Variants in PPP6R2 observed in about 807,000 individuals in gnomAD.
PPP6R2 encodes the protein serine/threonine-protein phosphatase 6 regulatory subunit 2.
PPP6R2 carries 62 observed loss-of-function variants against 100.2 expected under a neutral mutation model. That is an observed-to-expected ratio of 0.62 (90% CI 0.50 to 0.76). PPP6R2 has a LOEUF of 0.76. PPP6R2 is among the 30% of genes least tolerant of loss of function. PPP6R2 has a pLI of 0.00. For missense variants in PPP6R2, 1,142 were observed against 1,276.3 expected, an observed-to-expected ratio of 0.89 and a Z score of 1.60; for synonymous variants, 525 against 514.7, an observed-to-expected ratio of 1.02 and a Z score of -0.27.
At position 50,422,983 on chromosome 22, in the gene PPP6R2, T is replaced by G. The variant is rs185712441; in HGVS notation, c.973-479T>G. Among the ~76,000 whole-genome samples the G allele has an allele frequency of 4.4e-3, 664 of 152,192 alleles. 8 individuals carry two copies. The highest frequency in any genetic ancestry group is 0.015 in the African/African-American group (619 of 41,514). On this transcript the variant is annotated intron_variant, in intron 9 of 23. Transcript: ENST00000612753. ...GAAGGTAGGTGCAGTAGGCTGAGTG[T>G]GGGGGATCAGAAAAGACCGCGGTCC...
chr22:50,337,871 G>C, the PPP6R2 span, among the ~76,000 whole-genome samples: 2 of 141,564 alleles, frequency 1.4e-5, no homozygotes, highest in African/African-American at 5.3e-5. Context: ...TCTGTGTGTG[G>C]TGTATGTGTG....
intron 1 of PPP6R2, among the ~76,000 whole-genome samples, chr22:50,364,420 T>C (rs1332233491): frequency 6.6e-6 from 1 of 152,188 alleles, no homozygotes; most frequent in Non-Finnish European, 1.5e-5. Context: ...GGTTCCTCAG[T>C]GTCGTAGAAA....
At chr22:50,404,596 CTTG>C (rs1472863759) in intron 3 of PPP6R2, among the ~76,000 whole-genome samples, 2 of 136,748 alleles carry the variant, frequency 1.5e-5, no homozygotes, top group Non-Finnish European at 3.1e-5. Flanking sequence ...TTCTTTCTTT[CTTG>C]TTTTTTTTTT....
At chr22:50,429,741 T>C (rs1183794845) in intron 10 of PPP6R2, among the ~76,000 whole-genome samples, 1 of 152,124 alleles carries the variant, frequency 6.6e-6, no homozygotes, top group East Asian at 1.9e-4. Context: ...ACAAAATAAA[T>C]GTTTGGTAGA....
At chr22:50,374,493 G>GA (rs1369296255) in intron 2 of PPP6R2, among the ~76,000 whole-genome samples, 5 of 152,138 alleles carry the variant, frequency 3.3e-5, no homozygotes, top group Non-Finnish European at 7.3e-5. Flanking sequence ...ATTCTAGAAT[G>GA]AAAAAATCAG....
chr22:50,338,186 G>A, the PPP6R2 span, among the ~76,000 whole-genome samples: 2,487 of 140,920 alleles, frequency 0.018, 29 homozygotes, highest in East Asian at 0.027. Flanking sequence ...TGTGTGTGCT[G>A]TGTGGGTATA....
In PPP6R2 at chr22:50,423,723, C is replaced by A; in HGVS notation, c.1125+109C>A. ...GCCCCAGCATTTGGACAAAGCTCTG[C>A]CACGGGGAGGTTCCAGTCCCAAGTC... On this transcript the variant is annotated intron_variant, in intron 10 of 23. Coordinates refer to ENST00000612753, the MANE Select transcript of PPP6R2 (RefSeq NM_001242898.2). This position sits in a 1 kb window ranked among gnomAD's most constrained non-coding sequence, Gnocchi z 4.8. 7.2e-7 allele frequency: 1 copy of A among 1,386,282 alleles called. No homozygotes were observed. The allele number at this position is 1,386,282 out of a possible 1,614,324, so 85.9% of individuals were successfully genotyped here. A position where few individuals can be genotyped will look rare whatever the true frequency, so the allele number is the denominator to read the frequency against.
Position 50,439,734 on chromosome 22 carries a change from C to A in PPP6R2, c.2162C>A (p.Ala721Glu). 1 of 1,610,288 alleles carries A rather than the reference C, an allele frequency of 6.2e-7. No individual in the cohort carries two copies. ...TGGACGGCAGTGTTTGATGAGCCAG[C>A]GAACTCAACGCCCACAGCCCCAGGA... is the stretch of plus-strand genomic sequence containing the variant. ...AMWTAVFDEP[A>E]NSTPTAPGVV... is the part of the protein sequence containing the mutation. Residue 721 changes from alanine to glutamate, a missense_variant, in exon 20 of 24, where the codon GCG becomes GAG. Coordinates refer to ENST00000612753, the MANE Select transcript of PPP6R2 (RefSeq NM_001242898.2).
At chr22:50,412,785 G>A (rs1569448597) in intron 4 of PPP6R2, among the ~76,000 whole-genome samples, 2 of 150,110 alleles carry the variant, frequency 1.3e-5, no homozygotes, top group Non-Finnish European at 1.5e-5. Flanking sequence ...GGGATTACAC[G>A]TGCCCACCAC....
chr22:50,343,719 C>G (rs528134299), intron 1 of PPP6R2, among the ~76,000 whole-genome samples, 169 bp downstream of exon 1: 72 of 102,214 alleles, frequency 7.0e-4, no homozygotes, highest in Non-Finnish European at 1.3e-3. Context: ...AGTGCCCCCC[C>G]CAAGTCAGTC....
intron 3 of PPP6R2, among the ~76,000 whole-genome samples, chr22:50,396,191 G>T: frequency 8.6e-6 from 1 of 116,488 alleles, no homozygotes; most frequent in African/African-American, 3.3e-5. Context: ...GCAAGACTCT[G>T]GCTCAAAAAA....
At chr22:50,368,422 C>G (rs1431082546) in intron 1 of PPP6R2, among the ~76,000 whole-genome samples, 2 of 152,224 alleles carry the variant, frequency 1.3e-5, no homozygotes, top group Non-Finnish European at 2.9e-5. Flanking sequence ...CTCTTGTCTT[C>G]TGGTCACTTC....
At chr22:50,340,580 G>GGT (rs1196634955), upstream of PPP6R2, among the ~76,000 whole-genome samples, 7 of 120,682 alleles carry the variant, frequency 5.8e-5, no homozygotes, top group African/African-American at 2.7e-4. Flanking sequence ...TGTGGTATGT[G>GGT]GTGTGTGGTG....
chr22:50,369,194 C>T (rs1463554298), intron 1 of PPP6R2, among the ~76,000 whole-genome samples: 1 of 151,040 alleles, frequency 6.6e-6, no homozygotes, highest in Non-Finnish European at 1.5e-5. Context: ...GCCGAGATCA[C>T]GCCATTGCAC....
chr22:50,338,296 A>AGTGTGTGGTGTGTGTGTGGTGTGTG, the PPP6R2 span, among the ~76,000 whole-genome samples: 15 of 74,246 alleles, frequency 2.0e-4, no homozygotes, highest in African/African-American at 4.2e-4. Flanking sequence ...TGTGGTGTGT[A>AGTGTGTGGTGTGTGTGTGGTGTGTG]GTGTGTGGTG....
intron 4 of PPP6R2, among the ~76,000 whole-genome samples, chr22:50,412,033 A>ACT (rs1473255284): frequency 2.0e-5 from 3 of 152,016 alleles, no homozygotes; most frequent in African/African-American, 7.2e-5. Flanking sequence ...CCAGAGTGAG[A>ACT]CTGCATCTCA....
intron 1 of PPP6R2, among the ~76,000 whole-genome samples, chr22:50,362,104 TGGA>T (rs2047909352): frequency 6.6e-6 from 1 of 152,188 alleles, no homozygotes. Flanking sequence ...TCTGGCTGCC[TGGA>T]GGGTCTGCAT....
intron 2 of PPP6R2, 36 bp from the exon 3 acceptor site, chr22:50,393,857 G>C: frequency 1.9e-6 from 3 of 1,609,580 alleles, no homozygotes; most frequent in Non-Finnish European, 2.5e-6. Context: ...GGATTTGCAA[G>C]GGTGAGAGAC....
intron 3 of PPP6R2, among the ~76,000 whole-genome samples, chr22:50,406,122 C>T (rs140471796): frequency 0.063 from 5,399 of 85,818 alleles, 144 homozygotes; most frequent in Middle Eastern, 0.16. Context: ...ACCTGGCAGG[C>T]GAGTGTGAAG....
Sources: gnomAD v4.1 joint callset for allele counts (sites outside exome capture counted in the v4.1 genomes callset) on GRCh38, gnomAD v4.1.1 for gene constraint, Gnocchi (gnomAD v3.1) non-coding constraint, MANE v1.5 for transcripts, NCBI Gene and HGNC (gene_info 2026-07-23, HGNC 2026-07-21) for gene names.